Variants in ATRN observed in about 807,000 individuals in gnomAD.
The protein encoded by ATRN is attractin-2.
ATRN carries 54 observed loss-of-function variants against 178.7 expected under a neutral mutation model. The ratio of observed to expected loss-of-function variants is 0.30; its 90% CI spans 0.24 to 0.38. The LOEUF (loss-of-function observed/expected upper bound fraction) is 0.38, where lower values mean the gene tolerates loss of function less well. ATRN is among the 10% of genes least tolerant of loss of function. The pLI, the probability that ATRN is intolerant of heterozygous loss-of-function variation, is 1.00. For missense variants in ATRN, 1,443 were observed against 1,815.1 expected, an observed-to-expected ratio of 0.79 and a Z score of 3.73; for synonymous variants, 636 against 663.0, an observed-to-expected ratio of 0.96 and a Z score of 0.63.
rs1225040830 is a variant in ATRN at position 3,555,282 on chromosome 20, C to T, written c.1113-4111C>T. 2.6e-5 allele frequency among the ~76,000 whole-genome samples: 4 copies of T among 151,992 alleles called. No homozygotes were observed. The East Asian group carries it at 5.8e-4, about 22-fold the overall frequency. ...CCTCCCAAAGTGCTGGGATTACAGG[C>T]GTGAGCCACCGCGCCCGGCCGACCT... is the stretch of plus-strand genomic sequence containing the variant. On this transcript the variant is annotated intron_variant, in intron 6 of 28. Coordinates refer to ENST00000262919, the MANE Select transcript of ATRN (RefSeq NM_139321.3).
At position 3,490,289 on chromosome 20, in the gene ATRN, A is replaced by C. The variant is rs963164572; in HGVS notation, c.410+18772A>C. The C allele has an allele frequency of 2.6e-6, 3 of 1,150,418 alleles. No individual in the cohort carries two copies. In the African/African-American group the frequency reaches 4.6e-5, roughly 17 times the overall value. 71.3% of individuals were successfully genotyped at this position (1,150,418 alleles called of 1,614,324 possible). A position where few individuals can be genotyped will look rare whatever the true frequency, so the allele number is the denominator to read the frequency against. On this transcript the variant is annotated intron_variant, in intron 1 of 28. Transcript: ENST00000262919. ...CCAGGAGGAGAAGGCGGAGAGGTCAAGATGGGCTCCAGCATGGGTCAGAGC... is the reference window on the plus strand; with the variant it reads ...CCAGGAGGAGAAGGCGGAGAGGTCACGATGGGCTCCAGCATGGGTCAGAGC...
intron 1 of ATRN, among the ~76,000 whole-genome samples, chr20:3,482,851 G>A (rs1471590491): frequency 6.6e-6 from 1 of 152,176 alleles, no homozygotes; most frequent in East Asian, 1.9e-4. Flanking sequence ...TGCTGGTTCA[G>A]TCTCTGAACT....
In ATRN at chr20:3,597,984, T is replaced by G; in HGVS notation, c.3548T>G (p.Val1183Gly). 1 of 1,609,416 alleles carries G rather than the reference T, an allele frequency of 6.2e-7. No individual in the cohort carries two copies. Among genetic ancestry groups the G allele is most frequent in the South Asian group, 1.1e-5 (1 of 90,936 alleles). The change falls in exon 22 of 29, where the codon GTG (valine) becomes GGG (glycine). Residue 1183 changes from valine to glycine, a missense_variant. This residue lies in a region of ATRN where 289 missense variants were observed against 440.8 expected (regional missense o/e 0.66). Transcript: ENST00000262919. ...CGCTATTACACAGCTATCAATTTTG[T>G]GGCTACTCCTGACGAAGTAAGATTT... ...DDRYYTAINFVATPDEQNRDL... is the reference protein window; with the variant it reads ...DDRYYTAINFGATPDEQNRDL...
chr20:3,562,644 T>G (rs1427533077), intron 9 of ATRN, among the ~76,000 whole-genome samples, 185 bp downstream of exon 9: 3 of 152,238 alleles, frequency 2.0e-5, no homozygotes, highest in Non-Finnish European at 4.4e-5. Context: ...GTTACGTTAT[T>G]CTGTAATTCT....
At position 3,630,425 on chromosome 20, in the gene ATRN, C is replaced by T. The variant is rs115702371; in HGVS notation, c.3864-3886C>T. ...TATTTGTGGGAAGTAAACTTAGACT[C>T]TTCAGGGTAAGTGCAGAGTGAGGAG... is the stretch of plus-strand genomic sequence containing the variant. On this transcript the variant is annotated intron_variant, in intron 25 of 28. Transcript: ENST00000262919. Among the ~76,000 whole-genome samples, 729 of 152,220 alleles carry T rather than the reference C, an allele frequency of 4.8e-3. 8 individuals carry two copies. The highest frequency in any genetic ancestry group is 0.015 in the African/African-American group (622 of 41,520).
rs1469822412 is a variant in ATRN, at chr20:3,560,726, T to G, written c.1268T>G (p.Val423Gly). ...STGNVTNELRVFHIHNESWVL... is the reference protein window; with the variant it reads ...STGNVTNELRGFHIHNESWVL... Reference sequence around the variant, plus strand: ...GGGAATGTGACCAATGAGTTGAGAGTTTTTCACATTCATAATGAGTCATGG... The same window carrying G: ...GGGAATGTGACCAATGAGTTGAGAGGTTTTCACATTCATAATGAGTCATGG... The change falls in exon 8 of 29, where the codon GTT becomes GGT. Residue 423 changes from valine to glycine, a missense_variant. Val to Gly is a moderately radical substitution (Grantham distance 109). Around this residue, in one of 4 missense-constraint regions of ATRN, gnomAD observed 862 missense variants for 972.1 expected, o/e 0.89. Coordinates refer to ENST00000262919, the MANE Select transcript of ATRN (RefSeq NM_139321.3). 6.2e-7 allele frequency: 1 copy of G among 1,613,286 alleles called. No homozygotes were observed. The highest frequency in any genetic ancestry group is 1.3e-5 in the African/African-American group (1 of 74,738).
chr20:3,614,005 ATTCTTTTC>A (rs1478674896), intron 24 of ATRN, among the ~76,000 whole-genome samples: 1 of 152,254 alleles, frequency 6.6e-6, no homozygotes, highest in African/African-American at 2.4e-5. Flanking sequence ...CAATCCCAGG[ATTCTTTTC>A]CATAATTAGG....
Position 3,646,349 on chromosome 20 carries a change from A to G in ATRN, c.4166-374A>G, listed in dbSNP as rs1600176959. Among the ~76,000 whole-genome samples, 3 of 152,244 alleles carry G rather than the reference A, an allele frequency of 2.0e-5. No individual in the cohort carries two copies. In the South Asian group the frequency reaches 6.2e-4, roughly 32 times the overall value. ...ATTGGGCACTTAGCACACGTCTACA[A>G]TCTCATTTATATGTTCCCACCACCA... On this transcript the variant is annotated intron_variant, in intron 28 of 28. Transcript: ENST00000262919.
intron 6 of ATRN, among the ~76,000 whole-genome samples, chr20:3,554,123 A>G (rs1182909304): frequency 6.6e-6 from 1 of 152,004 alleles, no homozygotes; most frequent in Non-Finnish European, 1.5e-5. Context: ...TGACTGACAT[A>G]CTTCATGAGC....
At chr20:3,636,326 A>G (rs1050616728) in intron 26 of ATRN, among the ~76,000 whole-genome samples, 2 of 152,224 alleles carry the variant, frequency 1.3e-5, no homozygotes, top group Non-Finnish European at 2.9e-5. Context: ...CAGAAAACCT[A>G]TTAGAATATA....
intron 1 of ATRN, among the ~76,000 whole-genome samples, chr20:3,497,315 A>G (rs2084894303): frequency 1.3e-5 from 2 of 151,252 alleles, no homozygotes; most frequent in Non-Finnish European, 2.9e-5. Flanking sequence ...GTTCCTTTCC[A>G]TGTTTAGCAC....
chr20:3,553,927 A>T (rs2085824559), intron 6 of ATRN, among the ~76,000 whole-genome samples: 1 of 152,132 alleles, frequency 6.6e-6, no homozygotes, highest in South Asian at 2.1e-4. Flanking sequence ...ACACTGTTGT[A>T]CTTGCTCTTT....
At position 3,562,434 on chromosome 20, in the gene ATRN, C is replaced by T. The variant is rs2085967630; in HGVS notation, c.1606C>T (p.Arg536Ter). 1 of 1,614,020 alleles carries T rather than the reference C, an allele frequency of 6.2e-7. No individual in the cohort carries two copies. Among genetic ancestry groups the T allele is most frequent in the Non-Finnish European group, 8.5e-7 (1 of 1,179,974 alleles). The change falls in exon 9 of 29, where the codon CGA becomes TGA. Residue 536 changes from arginine (R) to a stop codon, truncating the protein, a stop_gained. Transcript: ENST00000262919. LOFTEE classifies it high-confidence loss of function. ...NKYRLADDLY[R>*]YDVDTQMWTI... is the part of the protein sequence containing the mutation. Reference sequence around the variant, plus strand: ...GTACCGGCTTGCAGATGATCTCTACCGATATGATGTGGATACCCAGATGTG... The same window carrying T: ...GTACCGGCTTGCAGATGATCTCTACTGATATGATGTGGATACCCAGATGTG...
intron 1 of ATRN, among the ~76,000 whole-genome samples, chr20:3,475,092 G>A (rs1164770313): frequency 1.3e-5 from 2 of 151,218 alleles, no homozygotes; most frequent in African/African-American, 4.9e-5. Flanking sequence ...AGAGTGAAAT[G>A]TTGGTTTTGA....
At chr20:3,490,307 GTCAGAGCGCTGCTTGTCTCTTTCGCCCA>G in intron 1 of ATRN, 1 of 1,036,726 alleles carries the variant, frequency 9.6e-7, no homozygotes, top group Non-Finnish European at 1.5e-6. Flanking sequence ...TCCAGCATGG[GTCAGAGCGCTGCTTGTCTCTTTCGCCCA>G]TCCAGGAAGG....
chr20:3,561,979 G>A (rs560737236), intron 8 of ATRN, among the ~76,000 whole-genome samples: 5 of 152,088 alleles, frequency 3.3e-5, no homozygotes, highest in Non-Finnish European at 5.9e-5. Context: ...TCCCACCTTA[G>A]CCTCCCAAAG....
In ATRN at chr20:3,647,017, C is replaced by T; in HGVS notation, c.*170C>T. 1.1e-6 allele frequency: 1 copy of T among 872,512 alleles called. No homozygotes were observed. The highest frequency in any genetic ancestry group is 1.6e-6 in the Non-Finnish European group (1 of 606,966). The allele number at this position is 872,512 out of a possible 1,614,324, so 54.0% of individuals were successfully genotyped here. ...CACAAGCTTTCTTTGACGGTTTCTC[C>T]CATCCGTGTTCCAGCATCTAACCTT... On this transcript the variant is annotated 3_prime_UTR_variant, in exon 29 of 29. Transcript: ENST00000262919.
At chr20:3,538,132 C>A (rs1302084262) in intron 2 of ATRN, among the ~76,000 whole-genome samples, 2 of 143,874 alleles carry the variant, frequency 1.4e-5, no homozygotes, top group Non-Finnish European at 3.0e-5. Flanking sequence ...TACTCTCCAT[C>A]TTGTCAGAAT....
Position 3,572,869 on chromosome 20 carries a change from A to G in ATRN, c.2010A>G (p.Thr670=). The G allele has an allele frequency of 1.9e-6, 3 of 1,613,806 alleles. No individual in the cohort carries two copies. Among genetic ancestry groups the G allele is most frequent in the Non-Finnish European group, 2.5e-6 (3 of 1,179,960 alleles). The part of the protein sequence containing the change: ...AGPGIRCVWN[T]GSSQCISWAL... ...CTGGTATTCGGTGTGTGTGGAACAC[A>G]GGGTCGTCTCAGTGTATCTCGTGGG... The change falls in exon 12 of 29, where the codon ACA becomes ACG. Residue 670 remains threonine, a synonymous_variant. Coordinates refer to ENST00000262919, the MANE Select transcript of ATRN (RefSeq NM_139321.3).
Sources: allele counts gnomAD v4.1 joint callset (sites outside exome capture counted in the v4.1 genomes callset), GRCh38; gene constraint gnomAD v4.1.1; regional missense constraint gnomAD v4.1.1; transcripts MANE v1.5; gene names NCBI Gene and HGNC (gene_info 2026-07-23, HGNC 2026-07-21).